Variants in COL4A6 observed in about 807,000 individuals in gnomAD.
The protein encoded by COL4A6 is collagen type IV alpha 6 chain.
Under a neutral mutation model 126.7 loss-of-function variants are expected in COL4A6, and 59 were observed. The ratio of observed to expected loss-of-function variants is 0.47; its 90% CI spans 0.38 to 0.58. The LOEUF (loss-of-function observed/expected upper bound fraction) is 0.58, where lower values mean the gene tolerates loss of function less well. Among genes scored for constraint, COL4A6 ranks in the 20% least tolerant of loss-of-function variants. The probability of loss-of-function intolerance (pLI) is 0.00; values close to 1 mark genes in which losing one functional copy is unlikely to be tolerated. For missense variants in COL4A6, 1,285 were observed against 1,337.3 expected (o/e 0.96, Z 0.61); for synonymous variants, 547 against 496.6 (o/e 1.10, Z -1.35).
intron 3 of COL4A6, among the ~76,000 whole-genome samples, chrX:108,294,414 G>GGTGT (rs1442691524): frequency 1.7e-5 from 1 of 57,787 alleles, no homozygotes; most frequent in Non-Finnish European, 3.3e-5. Context: ...TTTTTTTTTT[G>GGTGT]GTGTGTGTGT....
At chrX:108,292,058 C>G in intron 3 of COL4A6, among the ~76,000 whole-genome samples, 1 of 111,962 alleles carries the variant, frequency 8.9e-6, no homozygotes, top group East Asian at 2.8e-4. Context: ...TATACTCCTA[C>G]TGTAATTGTA....
chrX:108,383,569 G>T, intron 2 of COL4A6: 1 of 471,882 alleles, frequency 2.1e-6, no homozygotes. Context: ...ACTCTGCAAC[G>T]AATGCGAGGC....
rs1194459967 is a variant in COL4A6 at position 108,208,124 on chromosome X, G to A, written c.547-1544C>T. ...ATAAAATAGGTCAATTTATCAAGAA[G>A]ACATAACAATCTTAGATGCCTATGC... On this transcript the variant is annotated intron_variant, in intron 8 of 44. Coordinates refer to ENST00000334504, the MANE Select transcript of COL4A6 (RefSeq NM_033641.4). 2.7e-5 allele frequency among the ~76,000 whole-genome samples: 3 copies of A among 112,070 alleles called. No individual in the cohort carries two copies. The East Asian group carries it at 8.4e-4, about 31-fold the overall frequency.
intron 3 of COL4A6, among the ~76,000 whole-genome samples, chrX:108,272,381 T>C (rs1376048425): frequency 8.9e-6 from 1 of 111,748 alleles, no homozygotes. Flanking sequence ...ACTCACTGTG[T>C]CAACCCACTT....
intron 3 of COL4A6, among the ~76,000 whole-genome samples, chrX:108,233,303 C>A (rs1161653390): frequency 9.0e-6 from 1 of 111,472 alleles, no homozygotes; most frequent in Non-Finnish European, 1.9e-5. Flanking sequence ...TAATATATTG[C>A]CCATCATTGA....
intron 2 of COL4A6, among the ~76,000 whole-genome samples, chrX:108,404,760 C>T (rs779980272): frequency 1.8e-5 from 2 of 111,825 alleles, no homozygotes; most frequent in African/African-American, 6.5e-5. Flanking sequence ...TTCTTTCATA[C>T]TTAGTAATGT....
intron 22 of COL4A6, 46 bp downstream of exon 22, chrX:108,187,802 G>A (rs1569340542): frequency 1.8e-6 from 2 of 1,117,563 alleles, no homozygotes; most frequent in African/African-American, 3.6e-5. Context: ...AACAAAGTCA[G>A]GTGTGAAGAT....
intron 2 of COL4A6, 89 bp from the exon 3 acceptor site, chrX:108,310,917 T>A: frequency 1.5e-6 from 1 of 689,245 alleles, no homozygotes; most frequent in Non-Finnish European, 2.3e-6. Context: ...CTTTACCAAG[T>A]AAATCTATTG....
chrX:108,327,304 T>A (rs1256436925), intron 2 of COL4A6, among the ~76,000 whole-genome samples: 2 of 108,483 alleles, frequency 1.8e-5, no homozygotes. Flanking sequence ...CCTGTAAGCA[T>A]CCCTCGCCCC....
At chrX:108,248,278 G>A (rs1162618278) in intron 3 of COL4A6, among the ~76,000 whole-genome samples, 1 of 111,475 alleles carries the variant, frequency 9.0e-6, no homozygotes, top group Non-Finnish European at 1.9e-5. Flanking sequence ...TTATATGTGT[G>A]TATGATCAAA....
chrX:108,381,719 T>A (rs748314465), intron 2 of COL4A6, among the ~76,000 whole-genome samples: 1 of 111,815 alleles, frequency 8.9e-6, no homozygotes, highest in East Asian at 2.8e-4. Flanking sequence ...TTAATCATTA[T>A]AATAATAATT....
chrX:108,225,610 C>A (rs750928790), intron 3 of COL4A6, among the ~76,000 whole-genome samples: 23 of 112,794 alleles, frequency 2.0e-4, no homozygotes, highest in Non-Finnish European at 4.1e-4. Flanking sequence ...GAGTTGGGAT[C>A]AGTGTGAAGT....
chrX:108,278,300 A>C (rs1372628928), intron 3 of COL4A6, among the ~76,000 whole-genome samples: 4 of 112,234 alleles, frequency 3.6e-5, no homozygotes, highest in African/African-American at 9.7e-5. Flanking sequence ...TGCTTAAAGG[A>C]GCTGATGGAG....
intron 20 of COL4A6, among the ~76,000 whole-genome samples, chrX:108,189,993 G>T (rs781398696): frequency 2.2e-3 from 244 of 112,533 alleles, no homozygotes; most frequent in Non-Finnish European, 3.4e-3. Flanking sequence ...CAACACCAGT[G>T]GGGGCTAGGG....
intron 2 of COL4A6, among the ~76,000 whole-genome samples, chrX:108,390,240 G>C (rs1289032713): frequency 9.0e-6 from 1 of 110,594 alleles, no homozygotes; most frequent in Non-Finnish European, 1.9e-5. Flanking sequence ...TATTTTTGTG[G>C]TGTTCTCTGT....
intron 3 of COL4A6, among the ~76,000 whole-genome samples, chrX:108,283,876 G>A (rs6622309): frequency 0.26 from 29,298 of 110,646 alleles, 3,215 homozygotes; most frequent in East Asian, 0.61. Context: ...TTAATAAAAG[G>A]TGGGCTGTGG....
intron 2 of COL4A6, among the ~76,000 whole-genome samples, chrX:108,412,954 G>A (rs192965351): frequency 3.6e-5 from 4 of 112,274 alleles, no homozygotes; most frequent in East Asian, 5.6e-4. Flanking sequence ...CTTTCAAAAG[G>A]TCTTGTTGGT....
rs1212852537 is a variant in COL4A6 at position 108,275,998 on chromosome X, A to T, written c.144+34750T>A. ...GATGTCTTCCAGGCCATTTCTCTAA[A>T]ACAGAAGGTTCCTCCTGTTTAGATC... On this transcript the variant is annotated intron_variant, in intron 3 of 44. Coordinates refer to ENST00000334504, the MANE Select transcript of COL4A6 (RefSeq NM_033641.4). Among the ~76,000 whole-genome samples, 10 of 112,858 alleles carry T rather than the reference A, an allele frequency of 8.9e-5. No homozygotes were observed. In the Admixed American group the frequency reaches 9.3e-4, roughly 11 times the overall value.
intron 42 of COL4A6, 35 bp downstream of exon 42, chrX:108,161,579 ATCCCC>A: frequency 1.6e-6 from 1 of 631,946 alleles, no homozygotes; most frequent in Non-Finnish European, 2.4e-6. Flanking sequence ...CCAGACCACC[ATCCCC>A]GCCCCGCCCG....
Sources: gnomAD v4.1 joint callset for allele counts (sites outside exome capture counted in the v4.1 genomes callset) on GRCh38, gnomAD v4.1.1 for gene constraint, MANE v1.5 for transcripts, NCBI Gene and HGNC (gene_info 2026-07-23, HGNC 2026-07-21) for gene names.